SMYD3: variants seen among roughly 807,000 people sequenced by gnomAD.
SMYD3 encodes histone-lysine N-methyltransferase SMYD3.
A neutral mutation model predicts 57.7 loss-of-function variants in SMYD3; 36 were observed. The ratio of observed to expected loss-of-function variants is 0.62; its 90% CI spans 0.48 to 0.82. The LOEUF (loss-of-function observed/expected upper bound fraction) is 0.82, where lower values mean the gene tolerates loss of function less well. Among genes scored for constraint, SMYD3 ranks in the 40% least tolerant of loss-of-function variants. The pLI is 0.00. For missense variants in SMYD3, 515 were observed against 538.8 expected, an observed-to-expected ratio of 0.96 and a Z score of 0.44; for synonymous variants, 211 against 195.0, an observed-to-expected ratio of 1.08 and a Z score of -0.68.
intron 10 of SMYD3, among the ~76,000 whole-genome samples, chr1:245,830,274 G>C (rs2049755529): frequency 6.6e-6 from 1 of 152,170 alleles, no homozygotes; most frequent in Non-Finnish European, 1.5e-5. Context: ...AGTTCCACAT[G>C]GCTGGGGAGG....
chr1:245,899,178 T>C (rs1239437442), intron 8 of SMYD3, among the ~76,000 whole-genome samples: 3 of 152,300 alleles, frequency 2.0e-5, no homozygotes, highest in Non-Finnish European at 4.4e-5. Context: ...ATCCAGGAAC[T>C]GAAAATTAAT....
intron 5 of SMYD3, among the ~76,000 whole-genome samples, chr1:246,286,878 T>G (rs2064577664): frequency 6.9e-6 from 1 of 145,922 alleles, no homozygotes; most frequent in Non-Finnish European, 1.5e-5. Flanking sequence ...ATCTTTTTTT[T>G]TGTTTTTTTT....
intron 8 of SMYD3, among the ~76,000 whole-genome samples, chr1:245,883,212 C>T (rs763449459): frequency 6.6e-6 from 1 of 152,108 alleles, no homozygotes; most frequent in Non-Finnish European, 1.5e-5. Flanking sequence ...AGATACTAAA[C>T]CAACTGCATT....
At chr1:246,235,493 G>T (rs1558337465) in intron 5 of SMYD3, among the ~76,000 whole-genome samples, 1 of 152,102 alleles carries the variant, frequency 6.6e-6, no homozygotes, top group African/African-American at 2.4e-5. Context: ...CACAGTTGTG[G>T]GTCTCAGCTG....
At chr1:246,091,557 TG>T (rs2060824225) in intron 5 of SMYD3, among the ~76,000 whole-genome samples, 1 of 151,982 alleles carries the variant, frequency 6.6e-6, no homozygotes, top group South Asian at 2.1e-4. Flanking sequence ...GCTTTAAATT[TG>T]GCTGTGGTGT....
intron 5 of SMYD3, among the ~76,000 whole-genome samples, chr1:245,936,700 G>C (rs2056995603): frequency 6.6e-6 from 1 of 152,170 alleles, no homozygotes. Context: ...TTTGAGACCA[G>C]CTTGGGCAAC....
intron 6 of SMYD3, among the ~76,000 whole-genome samples, chr1:245,929,042 C>G (rs1326270959): frequency 1.3e-5 from 2 of 152,208 alleles, no homozygotes; most frequent in Non-Finnish European, 2.9e-5. Flanking sequence ...TCACAACAAT[C>G]TTATGAGGAT....
chr1:245,826,420 G>A (rs537569897), intron 10 of SMYD3, among the ~76,000 whole-genome samples: 1 of 152,154 alleles, frequency 6.6e-6, no homozygotes, highest in East Asian at 1.9e-4. Flanking sequence ...TCACTATGTT[G>A]CCCAGGCTGG....
intron 1 of SMYD3, among the ~76,000 whole-genome samples, chr1:246,361,513 A>G (rs755889344): frequency 5.9e-5 from 9 of 152,236 alleles, no homozygotes; most frequent in Non-Finnish European, 1.0e-4. Flanking sequence ...TAGCAGCACA[A>G]TTTGCAATTG....
chr1:246,318,363 A>T (rs1362494795), intron 5 of SMYD3, among the ~76,000 whole-genome samples: 3 of 152,192 alleles, frequency 2.0e-5, no homozygotes, highest in Non-Finnish European at 4.4e-5. Flanking sequence ...ACAGAGCAAG[A>T]TCCTGTCTTT....
intron 5 of SMYD3, among the ~76,000 whole-genome samples, chr1:246,087,606 C>A (rs2060741598): frequency 6.6e-6 from 1 of 152,158 alleles, no homozygotes; most frequent in African/African-American, 2.4e-5. Flanking sequence ...TTTTTCTAAA[C>A]AAATAATGTG....
intron 10 of SMYD3, among the ~76,000 whole-genome samples, chr1:245,767,411 T>C (rs12042800): frequency 0.19 from 28,498 of 152,046 alleles, 2,999 homozygotes; most frequent in East Asian, 0.48. Context: ...AGTTTGCAGG[T>C]GAGGCAAATG....
chr1:246,500,986 T>C (rs1304489442), intron 1 of SMYD3, among the ~76,000 whole-genome samples: 2 of 152,214 alleles, frequency 1.3e-5, no homozygotes, highest in Non-Finnish European at 2.9e-5. Context: ...CACATTATTA[T>C]CAATTCTTCC....
chr1:246,052,730 T>C (rs556048875), intron 5 of SMYD3: 5 of 152,362 alleles, frequency 3.3e-5, no homozygotes, highest in South Asian at 2.1e-4. Flanking sequence ...CAGATCTCCT[T>C]TGAATCCCAG....
intron 10 of SMYD3, among the ~76,000 whole-genome samples, chr1:245,850,596 G>A (rs2050917985): frequency 6.6e-6 from 1 of 152,152 alleles, no homozygotes; most frequent in Non-Finnish European, 1.5e-5. Context: ...ATCTACTCGA[G>A]AGGCTGAGGT....
intron 5 of SMYD3, among the ~76,000 whole-genome samples, chr1:246,098,598 A>G (rs2060955435): frequency 6.6e-6 from 1 of 152,238 alleles, no homozygotes; most frequent in Admixed American, 6.5e-5. Context: ...ACAAAATCTT[A>G]GAACTTTTTT....
At chr1:246,191,037 T>G (rs2062730026) in intron 5 of SMYD3, among the ~76,000 whole-genome samples, 1 of 152,214 alleles carries the variant, frequency 6.6e-6, no homozygotes, top group Admixed American at 6.5e-5. Context: ...ACATACTGAA[T>G]ACCCTAAGGT....
intron 1 of SMYD3, among the ~76,000 whole-genome samples, chr1:246,472,579 C>CA (rs916066602): frequency 6.6e-6 from 1 of 151,858 alleles, no homozygotes; most frequent in African/African-American, 2.4e-5. Flanking sequence ...CCTGTCCCTA[C>CA]AAAAAACAGA....
At chr1:245,958,737 A>T (rs2057920764) in intron 5 of SMYD3, among the ~76,000 whole-genome samples, 1 of 152,244 alleles carries the variant, frequency 6.6e-6, no homozygotes, top group Non-Finnish European at 1.5e-5. Context: ...TTCATATAGT[A>T]CAGTGACTGA....
Sources: gnomAD v4.1 joint callset for allele counts (sites outside exome capture counted in the v4.1 genomes callset) on GRCh38, gnomAD v4.1.1 for gene constraint, MANE v1.5 for transcripts, NCBI Gene and HGNC (gene_info 2026-07-23, HGNC 2026-07-21) for gene names.